Variants in CPNE4 observed in about 807,000 individuals in gnomAD.
CPNE4 encodes the protein copine-4.
A neutral mutation model predicts 67.9 loss-of-function variants in CPNE4; 25 were observed. The observed-to-expected ratio is 0.37, with a 90% CI of 0.27 to 0.51. CPNE4 has a LOEUF of 0.51. CPNE4 is among the 20% of genes least tolerant of loss of function. CPNE4 has a pLI of 0.93. For synonymous variants in CPNE4, 242 were observed against 244.9 expected (o/e 0.99, Z 0.11); for missense variants, 464 against 690.8 (o/e 0.67, Z 3.68).
At chr3:131,627,429 A>T (rs1408758883) in intron 7 of CPNE4, among the ~76,000 whole-genome samples, 2 of 152,148 alleles carry the variant, frequency 1.3e-5, no homozygotes, top group Admixed American at 6.5e-5. Context: ...TCTGATGAAG[A>T]TGTACAAGGA....
At chr3:131,715,814 C>A (rs771735045) in intron 3 of CPNE4, among the ~76,000 whole-genome samples, 6 of 152,178 alleles carry the variant, frequency 3.9e-5, no homozygotes, top group Non-Finnish European at 7.3e-5. Context: ...GGTCAGCTTG[C>A]TGTTCTAGGC....
intron 7 of CPNE4, among the ~76,000 whole-genome samples, chr3:131,625,798 C>T (rs1040936521): frequency 2.0e-5 from 3 of 152,166 alleles, no homozygotes; most frequent in Non-Finnish European, 2.9e-5. Flanking sequence ...TTTTATTTTG[C>T]TTCTCAGATA....
At chr3:131,838,701 A>G (rs2085654341) in intron 2 of CPNE4, among the ~76,000 whole-genome samples, 1 of 151,752 alleles carries the variant, frequency 6.6e-6, no homozygotes, top group African/African-American at 2.4e-5. Context: ...GTACTTTTAT[A>G]CTATAAAAGT....
chr3:131,963,710 T>C (rs1002178899), intron 1 of CPNE4, among the ~76,000 whole-genome samples: 1 of 152,176 alleles, frequency 6.6e-6, no homozygotes, highest in Non-Finnish European at 1.5e-5. Flanking sequence ...GCAGGGCATC[T>C]CTGAAAGAAA....
chr3:131,741,166 G>A (rs1251686464), intron 2 of CPNE4, among the ~76,000 whole-genome samples: 1 of 152,016 alleles, frequency 6.6e-6, no homozygotes, highest in Non-Finnish European at 1.5e-5. Flanking sequence ...CTGTATTTCT[G>A]GTTCACTGTT....
rs139750571 is a variant in CPNE4 at position 131,953,237 on chromosome 3, AT to A, written c.-1-47794del. On this transcript the variant is annotated intron_variant, in intron 1 of 15. Transcript: ENST00000429747. ...TGTGAGAAACACCCAAGAATGATCA[AT>A]TAAAAAAAAAAAAAAAAAAAAAAAA... is the stretch of plus-strand genomic sequence containing the variant. 4.9e-3 allele frequency among the ~76,000 whole-genome samples: 497 copies of A among 100,410 alleles called. 38 individuals carry two copies. The highest frequency in any genetic ancestry group is 0.016 in the African/African-American group (459 of 29,496). The allele number at this position is 100,410 out of a possible 152,430, so 65.9% of individuals were successfully genotyped here.
At chr3:131,767,771 ATTATATATTTAT>A in intron 2 of CPNE4, among the ~76,000 whole-genome samples, 1 of 89,490 alleles carries the variant, frequency 1.1e-5, no homozygotes, top group African/African-American at 3.9e-5. Flanking sequence ...TCACACTCAG[ATTATATATTTAT>A]TTATTTATTT....
At chr3:131,929,213 A>ACG in intron 1 of CPNE4, among the ~76,000 whole-genome samples, 1 of 149,578 alleles carries the variant, frequency 6.7e-6, no homozygotes, top group African/African-American at 2.5e-5. Context: ...AAAAAAAAAA[A>ACG]AAAAAGATTT....
intron 2 of CPNE4, among the ~76,000 whole-genome samples, chr3:131,886,871 C>T (rs1190905705): frequency 6.6e-6 from 1 of 152,188 alleles, no homozygotes. Flanking sequence ...TTTGGAATAA[C>T]TAGCTTACTT....
At chr3:132,000,289 G>A (rs1023145624) in intron 1 of CPNE4, among the ~76,000 whole-genome samples, 2 of 151,958 alleles carry the variant, frequency 1.3e-5, no homozygotes, top group African/African-American at 2.4e-5. Flanking sequence ...ACTAAATGGA[G>A]GGAAGGTGTT....
chr3:131,732,938 A>G (rs991682191), intron 2 of CPNE4, among the ~76,000 whole-genome samples: 6 of 152,230 alleles, frequency 3.9e-5, no homozygotes, highest in South Asian at 2.1e-4. Flanking sequence ...TGACAACACC[A>G]TATTTCCCAA....
chr3:131,673,967 T>C (rs534025769), intron 6 of CPNE4, among the ~76,000 whole-genome samples: 3 of 152,066 alleles, frequency 2.0e-5, no homozygotes, highest in East Asian at 3.9e-4. Context: ...ATGGCTTTTG[T>C]TGTGTTGACG....
At chr3:131,736,909 AAATT>A (rs1419724415) in intron 2 of CPNE4, among the ~76,000 whole-genome samples, 1 of 152,156 alleles carries the variant, frequency 6.6e-6, no homozygotes, top group Non-Finnish European at 1.5e-5. Flanking sequence ...GGTAATCAGA[AAATT>A]AATCTCAACA....
At chr3:131,578,264 C>T (rs1937600907) in intron 9 of CPNE4, among the ~76,000 whole-genome samples, 1 of 152,060 alleles carries the variant, frequency 6.6e-6, no homozygotes, top group Non-Finnish European at 1.5e-5. Context: ...GATCTGTGAT[C>T]AGTTATCTTT....
chr3:131,550,136 A>T, intron 13 of CPNE4, 56 bp from the exon 14 acceptor site: 1 of 1,578,540 alleles, frequency 6.3e-7, no homozygotes, highest in Admixed American at 1.7e-5. Flanking sequence ...ATATATTTAT[A>T]GCCAAACACA....
intron 7 of CPNE4, among the ~76,000 whole-genome samples, chr3:131,596,711 G>A (rs1283084148): frequency 6.9e-6 from 1 of 145,432 alleles, no homozygotes; most frequent in Non-Finnish European, 1.5e-5. Flanking sequence ...TAATTGAAAA[G>A]CCTTAAAAGC....
chr3:131,601,422 C>A (rs1939201815), intron 7 of CPNE4, among the ~76,000 whole-genome samples: 1 of 152,024 alleles, frequency 6.6e-6, no homozygotes, highest in Non-Finnish European at 1.5e-5. Context: ...AATAGTGATG[C>A]AGTGGAGGTG....
chr3:131,802,924 T>C (rs371511812), intron 2 of CPNE4, among the ~76,000 whole-genome samples: 4 of 152,182 alleles, frequency 2.6e-5, no homozygotes, highest in South Asian at 2.1e-4. Context: ...CTTCCCTAAA[T>C]TGGCACTTTA....
rs946525222 is a variant in CPNE4, at chr3:131,820,037, C to A, written c.180+85227G>T. 2.0e-5 allele frequency among the ~76,000 whole-genome samples: 3 copies of A among 152,300 alleles called. No individual in the cohort carries two copies. The South Asian group carries it at 6.2e-4, about 32-fold the overall frequency. On this transcript the variant is annotated intron_variant, in intron 2 of 15. Transcript: ENST00000429747. ...TGTGTTTCCTTAGACAAGTTGCTTA[C>A]GTCCCTGAATCTCAATTCCCTCATT...
Sources: allele counts gnomAD v4.1 joint callset (sites outside exome capture counted in the v4.1 genomes callset), GRCh38; gene constraint gnomAD v4.1.1; transcripts MANE v1.5; gene names NCBI Gene and HGNC (gene_info 2026-07-23, HGNC 2026-07-21).